Variants in KLHDC1 observed in about 807,000 individuals in gnomAD.
KLHDC1 encodes kelch domain containing 1, also known as kelch domain-containing protein 1.
KLHDC1 carries 53 observed loss-of-function variants against 68.3 expected under a neutral mutation model. The ratio of observed to expected loss-of-function variants is 0.78; its 90% CI spans 0.62 to 0.98. The LOEUF (loss-of-function observed/expected upper bound fraction) is 0.98, where lower values mean the gene tolerates loss of function less well. KLHDC1 is among the 50% of genes least tolerant of loss of function. KLHDC1 has a pLI of 0.00. For missense variants in KLHDC1, 470 were observed against 492.3 expected (o/e 0.95, Z 0.43); for synonymous variants, 148 against 159.0 (o/e 0.93, Z 0.52).
At chr14:49,730,495 C>T (rs550699107) in intron 8 of KLHDC1, among the ~76,000 whole-genome samples, 16 of 151,926 alleles carry the variant, frequency 1.1e-4, no homozygotes, top group African/African-American at 3.6e-4. Context: ...GCTGGGATTA[C>T]AGGCATGAGC....
intron 12 of KLHDC1, 93 bp downstream of exon 12, chr14:49,743,898 C>G: frequency 1.4e-6 from 1 of 719,040 alleles, no homozygotes; most frequent in Non-Finnish European, 2.3e-6. Flanking sequence ...TTTCAGGTTG[C>G]TTATGACATG....
rs199698821 is a variant in KLHDC1, at chr14:49,735,535, T to C, written c.896+874T>C. Among the ~76,000 whole-genome samples, 7 of 152,248 alleles carry C rather than the reference T, an allele frequency of 4.6e-5. No homozygotes were observed. In the East Asian group the frequency reaches 1.3e-3, roughly 29 times the overall value. ...AGTACGTTTAGAATTCATAATTGCATTTGTGATTCTTTTGTCTTCATGTAT... is the reference window on the plus strand; with the variant it reads ...AGTACGTTTAGAATTCATAATTGCACTTGTGATTCTTTTGTCTTCATGTAT... On this transcript the variant is annotated intron_variant, in intron 10 of 12. Coordinates refer to ENST00000359332, the MANE Select transcript of KLHDC1 (RefSeq NM_172193.3).
rs550009701 is a variant in KLHDC1 at position 49,700,597 on chromosome 14, C to T, written c.96+7307C>T. 3.7e-4 allele frequency among the ~76,000 whole-genome samples: 56 copies of T among 152,064 alleles called. No homozygotes were observed. In the South Asian group the frequency reaches 8.3e-3, roughly 23 times the overall value. On this transcript the variant is annotated intron_variant, in intron 1 of 12. Coordinates refer to ENST00000359332, the MANE Select transcript of KLHDC1 (RefSeq NM_172193.3). ...CCTGTCACTTAAAAGAAACAAATAT[C>T]TGTATACATATGCTTAACTACATAT...
chr14:49,700,048 A>G, intron 1 of KLHDC1: 1 of 297,610 alleles, frequency 3.4e-6, no homozygotes, highest in South Asian at 2.5e-5. Context: ...TTTTTTTTTT[A>G]GATGGAGTCT....
intron 12 of KLHDC1, among the ~76,000 whole-genome samples, chr14:49,745,291 T>C (rs1375241486): frequency 6.6e-6 from 1 of 152,122 alleles, no homozygotes; most frequent in African/African-American, 2.4e-5. Flanking sequence ...AACTAAACTC[T>C]CATGAGGGGC....
chr14:49,696,319 G>A (rs1002329477), intron 1 of KLHDC1, among the ~76,000 whole-genome samples: 4 of 151,822 alleles, frequency 2.6e-5, no homozygotes, highest in African/African-American at 7.3e-5. Flanking sequence ...TTACAGGTGC[G>A]TGACACTACA....
At position 49,747,496 on chromosome 14, in the gene KLHDC1, G is replaced by A. The variant is rs1226284173; in HGVS notation, c.1034+3691G>A. ...GCAGTGTCTTGAGAAGGTGATTTTA[G>A]CAAACAGATTTTTAAATTAGTCCTT... is the stretch of plus-strand genomic sequence containing the variant. On this transcript the variant is annotated intron_variant, in intron 12 of 12. Transcript: ENST00000359332. 2.6e-5 allele frequency among the ~76,000 whole-genome samples: 4 copies of A among 152,262 alleles called. No individual in the cohort carries two copies. In the South Asian group the frequency reaches 8.3e-4, roughly 32 times the overall value.
chr14:49,711,735 C>T (rs923373768), intron 4 of KLHDC1, among the ~76,000 whole-genome samples: 1 of 151,878 alleles, frequency 6.6e-6, no homozygotes, highest in Non-Finnish European at 1.5e-5. Context: ...TAAGGGTTTT[C>T]TTCATTGCTA....
chr14:49,728,047 C>G (rs1182662927), intron 6 of KLHDC1, among the ~76,000 whole-genome samples: 5 of 152,316 alleles, frequency 3.3e-5, no homozygotes, highest in South Asian at 2.1e-4. Context: ...CCTAGGGTGG[C>G]GTAATGGCTC....
chr14:49,718,769 C>CTTT lies in KLHDC1; in HGVS notation c.405-5082_405-5080dup, dbSNP rs71115397. ...GTTTTTCTTTTTCTTTTCTTTCTTT[C>CTTT]TTTTTTTTTTTTTTTTTTTTTTTTT... On this transcript the variant is annotated intron_variant, in intron 4 of 12. Transcript: ENST00000359332. Among the ~76,000 whole-genome samples the CTTT allele has an allele frequency of 1.0e-3, 80 of 76,840 alleles. 1 individual carries two copies. The highest frequency in any genetic ancestry group is 2.0e-3 in the African/African-American group (37 of 18,834). The allele number at this position is 76,840 out of a possible 152,430, so 50.4% of individuals were successfully genotyped here.
At chr14:49,697,151 A>G (rs1887767342) in intron 1 of KLHDC1, among the ~76,000 whole-genome samples, 1 of 152,012 alleles carries the variant, frequency 6.6e-6, no homozygotes, top group Non-Finnish European at 1.5e-5. Flanking sequence ...TTAGCCAGGA[A>G]GTCTAGATCT....
chr14:49,731,042 G>A (rs1231108493), intron 8 of KLHDC1, among the ~76,000 whole-genome samples: 2 of 148,660 alleles, frequency 1.3e-5, no homozygotes, highest in African/African-American at 2.5e-5. Context: ...TACTTTGGGA[G>A]GCTGAGGCTG....
rs553664297 is a variant in KLHDC1, at chr14:49,697,298, G to C, written c.96+4008G>C. Among the ~76,000 whole-genome samples the C allele has an allele frequency of 6.6e-5, 10 of 152,302 alleles. No homozygotes were observed. The East Asian group carries it at 9.6e-4, about 15-fold the overall frequency. On this transcript the variant is annotated intron_variant, in intron 1 of 12. Transcript: ENST00000359332. ...GAGGTCCAAGGAGAGGGAGAGAGAG[G>C]GGGGAATGGTTGGTCAGTGGAATAG...
chr14:49,710,300 AC>A lies in KLHDC1; in HGVS notation c.324del (p.Tyr108Ter), dbSNP rs762279946. On this transcript the variant is annotated frameshift_variant, in exon 4 of 13. Transcript: ENST00000359332. LOFTEE classifies it high-confidence loss of function. Reference protein sequence around the residue: ...FVNLRTRDETYIWEKITDFEG... With the variant: ...FVNLRTRDETXIWEKITDFEG... ...AATTTACGAACAAGAGATGAAACCT[AC>A]ATTTGGGAGAAAATCACCGACTTTG... 1.9e-6 allele frequency: 3 copies of A among 1,610,642 alleles called. No individual in the cohort carries two copies. Among genetic ancestry groups the A allele is most frequent in the Non-Finnish European group, 2.5e-6 (3 of 1,177,024 alleles).
At chr14:49,745,669 A>G (rs764466051) in intron 12 of KLHDC1, among the ~76,000 whole-genome samples, 4 of 152,244 alleles carry the variant, frequency 2.6e-5, no homozygotes, top group African/African-American at 4.8e-5. Flanking sequence ...AGAATTTGCC[A>G]TGAACAAACA....
chr14:49,734,602 T>C lies in KLHDC1; in HGVS notation c.837T>C (p.Ile279=). ...ATGATATTGCAGGTGATGGTTGGAT[T>C]CATAATGTCACAACAAATTGTTGGA... ...ADNIPLSDGW[I]HNVTTNCWKQ... is the part of the protein sequence containing the mutation. The change falls in exon 10 of 13, where the codon ATT becomes ATC. Residue 279 remains isoleucine, a synonymous_variant. Coordinates refer to ENST00000359332, the MANE Select transcript of KLHDC1 (RefSeq NM_172193.3). The C allele has an allele frequency of 1.3e-6, 2 of 1,591,064 alleles. No individual in the cohort carries two copies. Among genetic ancestry groups the C allele is most frequent in the Non-Finnish European group, 1.7e-6 (2 of 1,165,514 alleles).
chr14:49,728,473 T>C (rs186057735), intron 6 of KLHDC1, among the ~76,000 whole-genome samples: 62 of 152,370 alleles, frequency 4.1e-4, no homozygotes, highest in African/African-American at 1.5e-3. Context: ...TATTGTAAAT[T>C]TGAGGCACCA....
chr14:49,735,672 C>T (rs1424552394), intron 10 of KLHDC1, among the ~76,000 whole-genome samples: 2 of 151,964 alleles, frequency 1.3e-5, no homozygotes, highest in Non-Finnish European at 2.9e-5. Context: ...CTAGTCCTTG[C>T]TCAGCTACTA....
At chr14:49,748,794 A>AT (rs1028171277) in intron 12 of KLHDC1, among the ~76,000 whole-genome samples, 3 of 150,780 alleles carry the variant, frequency 2.0e-5, no homozygotes, top group African/African-American at 4.9e-5. Flanking sequence ...ACTGAGAGAA[A>AT]TTTTTTTTCT....
Sources: gnomAD v4.1 joint callset for allele counts (sites outside exome capture counted in the v4.1 genomes callset) on GRCh38, gnomAD v4.1.1 for gene constraint, MANE v1.5 for transcripts, NCBI Gene and HGNC (gene_info 2026-07-23, HGNC 2026-07-21) for gene names.